The following MRTFB variants were observed in gnomAD, a reference collection of about 807,000 sequenced individuals.
The protein encoded by MRTFB is myocardin-related transcription factor B.
MRTFB carries 29 observed loss-of-function variants against 104.2 expected under a neutral mutation model. That is an observed-to-expected ratio of 0.28 (90% confidence interval 0.21 to 0.38). MRTFB has a LOEUF of 0.38. MRTFB is among the 10% of genes least tolerant of loss of function. MRTFB has a pLI of 1.00. For missense variants in MRTFB, 1,270 were observed against 1,341.6 expected, an observed-to-expected ratio of 0.95 and a Z score of 0.83; for synonymous variants, 535 against 519.5, an observed-to-expected ratio of 1.03 and a Z score of -0.41.
chr16:14,219,504 G>A (rs1272065796), intron 8 of MRTFB, among the ~76,000 whole-genome samples: 1 of 152,012 alleles, frequency 6.6e-6, no homozygotes, highest in African/African-American at 2.4e-5. Flanking sequence ...CAAAACTATT[G>A]AACTACTTAA....
At chr16:14,015,489 G>A in the MRTFB span, among the ~76,000 whole-genome samples, 2 of 152,150 alleles carry the variant, frequency 1.3e-5, no homozygotes, top group African/African-American at 2.4e-5. Flanking sequence ...CCATGAGACC[G>A]GATGTGGAAA....
chr16:14,191,253 G>C (rs1035587262), intron 3 of MRTFB, among the ~76,000 whole-genome samples: 2 of 152,184 alleles, frequency 1.3e-5, no homozygotes, highest in Non-Finnish European at 1.5e-5. Context: ...GCCACATGTG[G>C]CTAGTGGCTG....
At chr16:13,998,094 C>G in the MRTFB span, among the ~76,000 whole-genome samples, 2 of 152,152 alleles carry the variant, frequency 1.3e-5, no homozygotes, top group Non-Finnish European at 2.9e-5. Context: ...AAGTAGAAGC[C>G]TCTGAGGCGT....
intron 2 of MRTFB, 72 bp downstream of exon 2, chr16:14,079,426 C>T: frequency 3.1e-6 from 1 of 324,960 alleles, no homozygotes; most frequent in Non-Finnish European, 5.6e-6. Context: ...CCTCTTACAG[C>T]CTGCTTTCTT....
chr16:14,248,889 A>G (rs2043135005), intron 12 of MRTFB, 37 bp from the exon 13 acceptor site: 2 of 1,604,496 alleles, frequency 1.2e-6, no homozygotes, highest in African/African-American at 2.7e-5. Flanking sequence ...TTTGATTCTG[A>G]CAATTAAATT....
At chr16:14,237,328 G>C (rs1187119647) in intron 9 of MRTFB, among the ~76,000 whole-genome samples, 1 of 152,190 alleles carries the variant, frequency 6.6e-6, no homozygotes, top group Non-Finnish European at 1.5e-5. Context: ...GCAAGAGTGA[G>C]GCAAGGCAGC....
chr16:14,258,415 T>A (rs182838781), intron 16 of MRTFB, among the ~76,000 whole-genome samples: 1 of 152,230 alleles, frequency 6.6e-6, no homozygotes, highest in Admixed American at 6.5e-5. Context: ...GGAAACATAA[T>A]GAGACCTCAT....
chr16:14,046,126 C>T, the MRTFB span, among the ~76,000 whole-genome samples: 37 of 152,248 alleles, frequency 2.4e-4, no homozygotes, highest in African/African-American at 8.4e-4. Context: ...GCACTACTTA[C>T]TGTTTCTCTG....
At chr16:14,133,815 A>T (rs1221912977) in intron 2 of MRTFB, among the ~76,000 whole-genome samples, 1 of 151,998 alleles carries the variant, frequency 6.6e-6, no homozygotes, top group East Asian at 1.9e-4. Context: ...TCCTTGCTTA[A>T]AATTAATCCT....
chr16:14,113,278 A>T (rs1017917210), intron 2 of MRTFB, among the ~76,000 whole-genome samples: 1 of 152,236 alleles, frequency 6.6e-6, no homozygotes, highest in Non-Finnish European at 1.5e-5. Flanking sequence ...TCCTGACCTC[A>T]GGTGATCCAC....
chr16:14,049,742 T>C, the MRTFB span, among the ~76,000 whole-genome samples: 1 of 152,206 alleles, frequency 6.6e-6, no homozygotes, highest in African/African-American at 2.4e-5. Flanking sequence ...GTATTTAGGA[T>C]TTTTTCTTGA....
chr16:14,026,830 C>G, the MRTFB span, among the ~76,000 whole-genome samples: 1 of 152,042 alleles, frequency 6.6e-6, no homozygotes, highest in African/African-American at 2.4e-5. Context: ...TAGGGAATTG[C>G]AAAACAAAGC....
chr16:14,096,050 A>AAATT (rs909069179), intron 2 of MRTFB, among the ~76,000 whole-genome samples: 11 of 128,056 alleles, frequency 8.6e-5, no homozygotes. Context: ...AGGCAAGCTG[A>AAATT]AATTTATTTA....
the MRTFB span, among the ~76,000 whole-genome samples, chr16:14,047,475 A>G: frequency 6.6e-6 from 1 of 152,186 alleles, no homozygotes; most frequent in Non-Finnish European, 1.5e-5. Context: ...CACTAAGGAG[A>G]AGGGCACTAT....
intron 1 of MRTFB, among the ~76,000 whole-genome samples, chr16:14,072,155 A>G (rs1363146276): frequency 6.6e-6 from 1 of 152,000 alleles, no homozygotes; most frequent in Non-Finnish European, 1.5e-5. Context: ...ACGCGATTCC[A>G]CTCTTGGGAA....
the MRTFB span, among the ~76,000 whole-genome samples, chr16:14,035,122 T>G: frequency 1.3e-5 from 2 of 152,206 alleles, no homozygotes. Flanking sequence ...CCACGAGTAG[T>G]GGAAGTCACC....
At chr16:14,038,389 C>T in the MRTFB span, among the ~76,000 whole-genome samples, 3 of 152,130 alleles carry the variant, frequency 2.0e-5, no homozygotes, top group Non-Finnish European at 2.9e-5. Context: ...GCAGAGGGGA[C>T]AAGATTCATT....
intron 2 of MRTFB, among the ~76,000 whole-genome samples, chr16:14,113,791 C>G (rs1184982468): frequency 2.0e-5 from 3 of 152,132 alleles, no homozygotes; most frequent in Non-Finnish European, 4.4e-5. Flanking sequence ...AGCATATCCA[C>G]AAAGAAAGTA....
chr16:14,017,661 GTGTATT>G, the MRTFB span, among the ~76,000 whole-genome samples: 13 of 60,620 alleles, frequency 2.1e-4, no homozygotes, highest in African/African-American at 5.8e-4. Context: ...GTGTGTGTGT[GTGTATT>G]TGTGTGTGTG....
Sources: allele counts gnomAD v4.1 joint callset (sites outside exome capture counted in the v4.1 genomes callset), GRCh38; gene constraint gnomAD v4.1.1; transcripts MANE v1.5; gene names NCBI Gene and HGNC (gene_info 2026-07-23, HGNC 2026-07-21).